DNAJC15: variants seen among roughly 807,000 people sequenced by gnomAD.
DNAJC15 encodes dnaJ homolog subfamily C member 15.
Under a neutral mutation model 22.4 loss-of-function variants are expected in DNAJC15, and 27 were observed. The observed-to-expected ratio is 1.20, with a 90% confidence interval of 0.89 to 1.66. DNAJC15 has a LOEUF of 1.66. Among genes scored for constraint, DNAJC15 ranks in the 40% most tolerant of loss-of-function variants. The probability of loss-of-function intolerance (pLI) is 0.00; values close to 1 mark genes in which losing one functional copy is unlikely to be tolerated. For synonymous variants in DNAJC15, 79 were observed against 63.2 expected (o/e 1.25, Z -1.19); for missense variants, 208 against 187.1 (o/e 1.11, Z -0.65).
rs1158884650 is a variant in DNAJC15, at chr13:43,109,511, T to A, written c.*2263T>A. On this transcript the variant is annotated 3_prime_UTR_variant, in exon 6 of 6. Transcript: ENST00000379221. ...GATGTCATATTTTCCTAATCCATACTTTATTCATGAGAATTTGAGTCACCC... is the reference window on the plus strand; with the variant it reads ...GATGTCATATTTTCCTAATCCATACATTATTCATGAGAATTTGAGTCACCC... 1 of 152,230 alleles carries A rather than the reference T, an allele frequency of 6.6e-6. No homozygotes were observed. The highest frequency in any genetic ancestry group is 1.5e-5 in the Non-Finnish European group (1 of 68,040). 9.4% of individuals were successfully genotyped at this position (152,230 alleles called of 1,614,324 possible).
intron 5 of DNAJC15, among the ~76,000 whole-genome samples, chr13:43,094,946 C>G (rs937852883): frequency 6.6e-6 from 1 of 152,178 alleles, no homozygotes; most frequent in Non-Finnish European, 1.5e-5. Context: ...TTTGGACCCT[C>G]AAGCCATAGT....
At position 43,107,523 on chromosome 13, in the gene DNAJC15, C is replaced by CCACACACACA; in HGVS notation, c.*275_*276insCACACACACA. On this transcript the variant is annotated 3_prime_UTR_variant, in exon 6 of 6. Transcript: ENST00000379221. ...TTTTTGTTATGTTCTGAATTCCCCC[C>CCACACACACA]TACACACACACACACACACACACAC... 1 of 93,710 alleles carries CCACACACACA rather than the reference C, an allele frequency of 1.1e-5. No individual in the cohort carries two copies. Among genetic ancestry groups the CCACACACACA allele is most frequent in the Non-Finnish European group, 1.9e-5 (1 of 51,768 alleles). 5.8% of individuals were successfully genotyped at this position (93,710 alleles called of 1,614,324 possible). A position where few individuals can be genotyped will look rare whatever the true frequency, so the allele number is the denominator to read the frequency against.
intron 4 of DNAJC15, among the ~76,000 whole-genome samples, chr13:43,083,229 G>A (rs1424183310): frequency 4.6e-5 from 7 of 151,658 alleles, no homozygotes; most frequent in Non-Finnish European, 8.8e-5. Flanking sequence ...GTGCAGTGGC[G>A]CTATCTTGGC....
In DNAJC15 at chr13:43,078,601, T is replaced by G. The variant is rs1311264838; in HGVS notation, c.235-11T>G. 3 of 1,610,276 alleles carry G rather than the reference T, an allele frequency of 1.9e-6. No homozygotes were observed. The highest frequency in any genetic ancestry group is 2.5e-6 in the Non-Finnish European group (3 of 1,177,312). On this transcript the variant is annotated splice_polypyrimidine_tract_variant and intron_variant, in intron 3 of 5. Coordinates refer to ENST00000379221, the MANE Select transcript of DNAJC15 (RefSeq NM_013238.3). ...GAACTAATGATTTCTTGCTCTTTCTTTCCTATACAGAGCTTTTCATCCTAC... is the reference window on the plus strand; with the variant it reads ...GAACTAATGATTTCTTGCTCTTTCTGTCCTATACAGAGCTTTTCATCCTAC...
intron 1 of DNAJC15, among the ~76,000 whole-genome samples, chr13:43,058,641 C>G (rs73473978): frequency 0.034 from 5,120 of 152,204 alleles, 299 homozygotes; most frequent in African/African-American, 0.12. Flanking sequence ...ACCCCTTCCT[C>G]CATTCCTCCC....
chr13:43,065,676 TC>T lies in DNAJC15; in HGVS notation c.109-9del. On this transcript the variant is annotated splice_polypyrimidine_tract_variant and intron_variant, in intron 1 of 5. Coordinates refer to ENST00000379221, the MANE Select transcript of DNAJC15 (RefSeq NM_013238.3). ...TACATCATAAGTAATATTCATTTTTTCTTCCATAGGTAAGAAGTTTGATAGC... is the reference window on the plus strand; with the variant it reads ...TACATCATAAGTAATATTCATTTTTTTTCCATAGGTAAGAAGTTTGATAGC... 6.2e-7 allele frequency: 1 copy of T among 1,611,322 alleles called. No individual in the cohort carries two copies. Among genetic ancestry groups the T allele is most frequent in the African/African-American group, 1.3e-5 (1 of 75,022 alleles).
intron 1 of DNAJC15, among the ~76,000 whole-genome samples, chr13:43,040,914 AC>A (rs1356571542): frequency 2.0e-5 from 3 of 152,194 alleles, no homozygotes; most frequent in African/African-American, 7.2e-5. Flanking sequence ...CGCCTGTCCC[AC>A]CTCCAGCCCT....
intron 3 of DNAJC15, among the ~76,000 whole-genome samples, chr13:43,075,145 A>G (rs921162454): frequency 2.0e-5 from 3 of 152,162 alleles, no homozygotes; most frequent in Non-Finnish European, 4.4e-5. Context: ...TTAAGTCTCT[A>G]TTCTCAAAAT....
intron 1 of DNAJC15, among the ~76,000 whole-genome samples, chr13:43,027,590 CAT>C (rs960193434): frequency 2.6e-5 from 4 of 152,106 alleles, no homozygotes; most frequent in Non-Finnish European, 5.9e-5. Flanking sequence ...TGATTTAAAA[CAT>C]GTTTTAACAA....
At chr13:43,103,035 T>G (rs2040777587) in intron 5 of DNAJC15, among the ~76,000 whole-genome samples, 1 of 152,236 alleles carries the variant, frequency 6.6e-6, no homozygotes, top group African/African-American at 2.4e-5. Flanking sequence ...GAATTTATCT[T>G]TTACATTTTT....
intron 1 of DNAJC15, among the ~76,000 whole-genome samples, chr13:43,046,095 T>C (rs1417386829): frequency 6.6e-6 from 1 of 152,216 alleles, no homozygotes; most frequent in African/African-American, 2.4e-5. Flanking sequence ...TTATTTTCCT[T>C]AATGTTTGTT....
chr13:43,037,644 G>A (rs761524075), intron 1 of DNAJC15, among the ~76,000 whole-genome samples: 3 of 151,814 alleles, frequency 2.0e-5, no homozygotes, highest in South Asian at 2.1e-4. Flanking sequence ...TTAAAAAGAC[G>A]ATTATGTAAT....
In DNAJC15 at chr13:43,063,572, G is replaced by A. The variant is rs117549892; in HGVS notation, c.109-2114G>A. On this transcript the variant is annotated intron_variant, in intron 1 of 5. Transcript: ENST00000379221. ...TCTCTGGTTACTCTTGAAATTGAGC[G>A]CCTTTTCATATGTTTTAGCCATTTA... Among the ~76,000 whole-genome samples the A allele has an allele frequency of 4.1e-3, 625 of 152,130 alleles. 1 individual carries two copies. The highest frequency in any genetic ancestry group is 0.014 in the Middle Eastern group (4 of 294).
intron 1 of DNAJC15, among the ~76,000 whole-genome samples, chr13:43,053,621 C>CTCCAT (rs1315829122): frequency 2.0e-5 from 3 of 151,950 alleles, no homozygotes; most frequent in Non-Finnish European, 4.4e-5. Context: ...GGTTTTTTAC[C>CTCCAT]TCCATGGTTA....
rs57085120 is a variant in DNAJC15 at position 43,107,524 on chromosome 13, TACACACACACAC to T, written c.*297_*308del. ...TTTTGTTATGTTCTGAATTCCCCCC[TACACACACACAC>T]ACACACACACACACACACACGTGCA... On this transcript the variant is annotated 3_prime_UTR_variant, in exon 6 of 6. Coordinates refer to ENST00000379221, the MANE Select transcript of DNAJC15 (RefSeq NM_013238.3). The T allele has an allele frequency of 2.5e-4, 40 of 161,660 alleles. No homozygotes were observed. Among genetic ancestry groups the T allele is most frequent in the Non-Finnish European group, 2.8e-4 (21 of 75,310 alleles). The allele number at this position is 161,660 out of a possible 1,614,324, so 10.0% of individuals were successfully genotyped here.
chr13:43,113,668 A>T lies in DNAJC15; in HGVS notation c.*6420A>T, dbSNP rs1304538595. On this transcript the variant is annotated 3_prime_UTR_variant, in exon 6 of 6. Transcript: ENST00000379221. ...AGCTAACTCAGTGATCTTTCCATTT[A>T]TCTATTCTTGGATTAGTGGTGCCTT... The T allele has an allele frequency of 1.3e-5, 2 of 152,236 alleles. No homozygotes were observed. The highest frequency in any genetic ancestry group is 4.8e-5 in the African/African-American group (2 of 41,452). The allele number at this position is 152,236 out of a possible 1,614,324, so 9.4% of individuals were successfully genotyped here. A position where few individuals can be genotyped will look rare whatever the true frequency, so the allele number is the denominator to read the frequency against.
chr13:43,093,593 T>C (rs1470681082), intron 5 of DNAJC15, among the ~76,000 whole-genome samples: 1 of 152,098 alleles, frequency 6.6e-6, no homozygotes, highest in African/African-American at 2.4e-5. Context: ...TATTTTTATC[T>C]TTGTAGAAAT....
intron 5 of DNAJC15, among the ~76,000 whole-genome samples, chr13:43,098,754 T>C (rs1415761184): frequency 6.6e-6 from 1 of 152,238 alleles, no homozygotes; most frequent in Admixed American, 6.5e-5. Context: ...TCAGTCTGTC[T>C]GTCCTTGTCC....
intron 1 of DNAJC15, among the ~76,000 whole-genome samples, chr13:43,043,269 A>G (rs1210721511): frequency 6.6e-6 from 1 of 151,960 alleles, no homozygotes; most frequent in East Asian, 1.9e-4. Context: ...CACCACTCCC[A>G]GCTAATTTTT....
Sources: allele counts gnomAD v4.1 joint callset (sites outside exome capture counted in the v4.1 genomes callset), GRCh38; gene constraint gnomAD v4.1.1; transcripts MANE v1.5; gene names NCBI Gene and HGNC (gene_info 2026-07-23, HGNC 2026-07-21).